Variants in SEMA3E observed in about 807,000 individuals in gnomAD.
SEMA3E encodes the protein semaphorin 3E.
In SEMA3E, 49 loss-of-function variants were observed where a neutral mutation model predicts 93.6. The ratio of observed to expected loss-of-function variants is 0.52; its 90% CI spans 0.42 to 0.66. The LOEUF is 0.66. Among genes scored for constraint, SEMA3E ranks in the 30% least tolerant of loss-of-function variants. The probability of loss-of-function intolerance (pLI) is 0.00; values close to 1 mark genes in which losing one functional copy is unlikely to be tolerated. For missense variants in SEMA3E, 906 were observed against 964.8 expected, an observed-to-expected ratio of 0.94 and a Z score of 0.81; for synonymous variants, 363 against 330.7, an observed-to-expected ratio of 1.10 and a Z score of -1.06.
chr7:83,392,533 T>C (rs752616964), intron 14 of SEMA3E, 22 bp downstream of exon 14: 1 of 1,609,670 alleles, frequency 6.2e-7, no homozygotes, highest in South Asian at 1.1e-5. Flanking sequence ...AGGGAAATAG[T>C]TAATCAGGTA....
At chr7:83,469,176 T>C (rs1425249888) in intron 3 of SEMA3E, 67 bp downstream of exon 3, 2 of 1,305,692 alleles carry the variant, frequency 1.5e-6, no homozygotes, top group Admixed American at 1.7e-5. Context: ...TTTCAGTGAT[T>C]CAGTTCTTTG....
At chr7:83,381,251 C>T (rs553135744) in intron 16 of SEMA3E, among the ~76,000 whole-genome samples, 2 of 152,082 alleles carry the variant, frequency 1.3e-5, no homozygotes, top group African/African-American at 4.8e-5. Flanking sequence ...CTTGACCTCA[C>T]CTCTCTGGTT....
At chr7:83,447,352 T>A (rs1017617291) in intron 4 of SEMA3E, among the ~76,000 whole-genome samples, 2 of 151,990 alleles carry the variant, frequency 1.3e-5, no homozygotes, top group South Asian at 4.2e-4. Flanking sequence ...CTGGCCAATA[T>A]GGTGAAACCC....
chr7:83,385,566 T>C (rs1787862589), intron 15 of SEMA3E, 133 bp from the exon 16 acceptor site: 1 of 1,011,814 alleles, frequency 9.9e-7, no homozygotes, highest in Non-Finnish European at 1.5e-6. Flanking sequence ...AAAGGTAATT[T>C]AAAGGAATTA....
chr7:83,464,921 T>C (rs1789717786), intron 4 of SEMA3E, among the ~76,000 whole-genome samples: 1 of 151,490 alleles, frequency 6.6e-6, no homozygotes, highest in African/African-American at 2.4e-5. Context: ...TTCTTATTAA[T>C]ATAAGAAGGC....
At chr7:83,371,050 T>A (rs1409934947) in intron 16 of SEMA3E, among the ~76,000 whole-genome samples, 1 of 152,176 alleles carries the variant, frequency 6.6e-6, no homozygotes, top group Non-Finnish European at 1.5e-5. Context: ...TTTGTGGGGA[T>A]GTGGAGATCA....
At chr7:83,469,969 G>A (rs1031873587) in intron 2 of SEMA3E, among the ~76,000 whole-genome samples, 6 of 151,770 alleles carry the variant, frequency 4.0e-5, no homozygotes. Flanking sequence ...TGTATTTTTA[G>A]TAGAGACAGG....
intron 1 of SEMA3E, among the ~76,000 whole-genome samples, chr7:83,591,106 C>CAAAAAAA (rs202162169): frequency 8.7e-6 from 1 of 114,578 alleles, no homozygotes; most frequent in African/African-American, 3.1e-5. Context: ...GAGTTATTTG[C>CAAAAAAA]AAAAAAAAAA....
At chr7:83,406,400 C>T (rs897487257) in intron 7 of SEMA3E, among the ~76,000 whole-genome samples, 3 of 151,772 alleles carry the variant, frequency 2.0e-5, no homozygotes, top group South Asian at 2.1e-4. Context: ...TAATTTGCCT[C>T]TCTCAGGAAT....
At position 83,612,099 on chromosome 7, in the gene SEMA3E, C is replaced by T. The variant is rs536518569; in HGVS notation, c.115+36329G>A. 2.6e-5 allele frequency among the ~76,000 whole-genome samples: 4 copies of T among 152,226 alleles called. 1 individual carries two copies. In the Middle Eastern group the frequency reaches 0.01, roughly 388 times the overall value. ...GTTTCCAAATTCCTGTAATTCTCTA[C>T]TCACATATATCACCTTATCAGAGAC... On this transcript the variant is annotated intron_variant, in intron 1 of 16. Coordinates refer to ENST00000643230, the MANE Select transcript of SEMA3E (RefSeq NM_012431.3).
chr7:83,485,946 G>A (rs779795115), intron 2 of SEMA3E, among the ~76,000 whole-genome samples: 7 of 152,164 alleles, frequency 4.6e-5, no homozygotes, highest in Non-Finnish European at 8.8e-5. Context: ...AATAGAAAGT[G>A]AGAAAGTGAA....
intron 4 of SEMA3E, among the ~76,000 whole-genome samples, chr7:83,433,036 T>C (rs1788923854): frequency 6.6e-6 from 1 of 152,180 alleles, no homozygotes; most frequent in South Asian, 2.1e-4. Context: ...GTTTGGACTT[T>C]TGCAATTTTT....
chr7:83,385,982 C>T (rs1338115900), intron 15 of SEMA3E, among the ~76,000 whole-genome samples: 1 of 152,098 alleles, frequency 6.6e-6, no homozygotes, highest in African/African-American at 2.4e-5. Flanking sequence ...CAGAAAGGCT[C>T]TTACTGGACT....
Position 83,557,768 on chromosome 7 carries a change from C to T in SEMA3E, c.116-67494G>A, listed in dbSNP as rs116564560. On this transcript the variant is annotated intron_variant, in intron 1 of 16. Coordinates refer to ENST00000643230, the MANE Select transcript of SEMA3E (RefSeq NM_012431.3). The stretch of plus-strand genomic sequence containing the variant: ...CAGCAGCTTATGTCTCGACTTCAGC[C>T]TAACAGCAAGCTAGCTCAATGTGCA... Among the ~76,000 whole-genome samples, 739 of 152,214 alleles carry T rather than the reference C, an allele frequency of 4.9e-3. 7 individuals are homozygous for T. Among genetic ancestry groups the T allele is most frequent in the African/African-American group, 0.015 (628 of 41,536 alleles).
intron 1 of SEMA3E, among the ~76,000 whole-genome samples, chr7:83,545,771 A>G (rs1791636135): frequency 6.8e-6 from 1 of 147,984 alleles, no homozygotes; most frequent in Admixed American, 6.8e-5. Context: ...TTATGTGTGT[A>G]TCCAGTAGAA....
chr7:83,423,504 A>ATTT (rs71074656), intron 4 of SEMA3E, among the ~76,000 whole-genome samples: 24 of 138,914 alleles, frequency 1.7e-4, no homozygotes, highest in East Asian at 8.6e-4. Context: ...ACTATGAAGA[A>ATTT]TTTTTTTTTT....
At chr7:83,517,778 G>A (rs1790962459) in intron 1 of SEMA3E, among the ~76,000 whole-genome samples, 1 of 152,080 alleles carries the variant, frequency 6.6e-6, no homozygotes, top group Non-Finnish European at 1.5e-5. Flanking sequence ...ATCATAACAA[G>A]TACCCCATAT....
chr7:83,581,554 A>G (rs766870298), intron 1 of SEMA3E, among the ~76,000 whole-genome samples: 4 of 152,038 alleles, frequency 2.6e-5, no homozygotes, highest in Non-Finnish European at 5.9e-5. Flanking sequence ...TTTTTAAACT[A>G]CTATTTGTTG....
At chr7:83,517,831 A>G (rs912346866) in intron 1 of SEMA3E, among the ~76,000 whole-genome samples, 1 of 152,174 alleles carries the variant, frequency 6.6e-6, no homozygotes, top group African/African-American at 2.4e-5. Flanking sequence ...GTTTGTAACC[A>G]CTATTGGGAT....
Sources: allele counts gnomAD v4.1 joint callset (sites outside exome capture counted in the v4.1 genomes callset), GRCh38; gene constraint gnomAD v4.1.1; transcripts MANE v1.5; gene names NCBI Gene and HGNC (gene_info 2026-07-23, HGNC 2026-07-21).